The following NFATC2 variants were observed in gnomAD, a reference collection of about 807,000 sequenced individuals.
The protein encoded by NFATC2 is nuclear factor of activated T-cells, cytoplasmic 2.
In NFATC2, 22 loss-of-function variants were observed where a neutral mutation model predicts 87.3. That is an observed-to-expected ratio of 0.25 (90% CI 0.18 to 0.36). NFATC2 has a LOEUF of 0.36. NFATC2 is among the 10% of genes least tolerant of loss of function. NFATC2 has a pLI of 1.00. For synonymous variants in NFATC2, 565 were observed against 542.2 expected (o/e 1.04, Z -0.58); for missense variants, 1,149 against 1,259.1 (o/e 0.91, Z 1.32).
chr20:51,523,699 T>C lies in NFATC2; in HGVS notation c.542A>G (p.Asp181Gly). The C allele has an allele frequency of 6.2e-7, 1 of 1,612,510 alleles. No individual in the cohort carries two copies. Among genetic ancestry groups the C allele is most frequent in the South Asian group, 1.1e-5 (1 of 91,020 alleles). ...GGGCGAGGTGTAGGGGGAGAAGGTG[T>C]CAGAAATGAAGCTGGCAGAGGAGCC... ...SSGSSASFIS[D>G]TFSPYTSPCV... Residue 181 changes from aspartate to glycine, a missense_variant, in exon 2 of 11, where the codon GAC becomes GGC. Coordinates refer to ENST00000371564, the MANE Select transcript of NFATC2 (RefSeq NM_012340.5). This position sits in a 1 kb window ranked among gnomAD's most constrained non-coding sequence, Gnocchi z 6.9.
chr20:51,423,689 T>C lies in NFATC2; in HGVS notation c.2722+8378A>G, dbSNP rs370692460. Among the ~76,000 whole-genome samples the C allele has an allele frequency of 3.9e-5, 6 of 152,174 alleles. No homozygotes were observed. In the East Asian group the frequency reaches 1.2e-3, roughly 29 times the overall value. ...AATTCAGAACAATTAAAAGTGCTGG[T>C]TCCAGCAGATGACTGGGAGCCCACG... On this transcript the variant is annotated intron_variant, in intron 9 of 10. Transcript: ENST00000371564.
intron 6 of NFATC2, among the ~76,000 whole-genome samples, chr20:51,438,077 A>G (rs1983821073): frequency 6.6e-6 from 1 of 152,258 alleles, no homozygotes; most frequent in Non-Finnish European, 1.5e-5. Flanking sequence ...TGAAGTCATC[A>G]AGACCTGAGT....
intron 3 of NFATC2, among the ~76,000 whole-genome samples, chr20:51,501,118 A>G (rs1245602545): frequency 6.6e-6 from 1 of 151,690 alleles, no homozygotes; most frequent in Non-Finnish European, 1.5e-5. Flanking sequence ...CACCAGGGCC[A>G]CTCACTGCTG....
intron 5 of NFATC2, among the ~76,000 whole-genome samples, chr20:51,464,190 G>A (rs538032192): frequency 1.3e-5 from 2 of 152,164 alleles, no homozygotes; most frequent in Non-Finnish European, 2.9e-5. Context: ...ACAGAACTAC[G>A]GGAGGGCTGC....
chr20:51,494,053 G>A (rs2146596659), intron 3 of NFATC2, among the ~76,000 whole-genome samples: 1 of 152,234 alleles, frequency 6.6e-6, no homozygotes, highest in South Asian at 2.1e-4. Context: ...TGCTCAGTGA[G>A]CGTCAACAGT....
chr20:51,552,595 C>T (rs1409231640), intron 1 of NFATC2, among the ~76,000 whole-genome samples: 1 of 152,104 alleles, frequency 6.6e-6, no homozygotes, highest in Non-Finnish European at 1.5e-5. Context: ...TGCCACCCTC[C>T]CACTGGGCAG....
At chr20:51,513,646 G>A (rs1351729637) in intron 3 of NFATC2, among the ~76,000 whole-genome samples, 2 of 152,158 alleles carry the variant, frequency 1.3e-5, no homozygotes, top group Non-Finnish European at 2.9e-5. Flanking sequence ...CAGGGCCCCA[G>A]CCCCTGATGA....
intron 1 of NFATC2, among the ~76,000 whole-genome samples, chr20:51,554,255 T>A (rs935166232): frequency 1.3e-5 from 2 of 152,226 alleles, no homozygotes; most frequent in Non-Finnish European, 2.9e-5. Context: ...TGACTTCCTA[T>A]GTCTCCCCCA....
At chr20:51,477,533 G>GTGTGTGTATATATATA (rs1203933981) in intron 3 of NFATC2, among the ~76,000 whole-genome samples, 1 of 68,550 alleles carries the variant, frequency 1.5e-5, no homozygotes, top group African/African-American at 6.1e-5. Context: ...GTGTGTGTGT[G>GTGTGTGTATATATATA]TCTATATATA....
chr20:51,444,977 A>G (rs954283808), intron 6 of NFATC2, among the ~76,000 whole-genome samples: 1 of 151,962 alleles, frequency 6.6e-6, no homozygotes, highest in Non-Finnish European at 1.5e-5. Flanking sequence ...GGCTTGCCCC[A>G]ACCATCCCCC....
chr20:51,549,109 A>G (rs2076912132), intron 1 of NFATC2, among the ~76,000 whole-genome samples: 1 of 152,180 alleles, frequency 6.6e-6, no homozygotes, highest in Non-Finnish European at 1.5e-5. Flanking sequence ...AATGTGTGAC[A>G]ATTTCACCTG....
intron 1 of NFATC2, among the ~76,000 whole-genome samples, chr20:51,541,910 C>A (rs2076823589): frequency 1.3e-5 from 2 of 152,120 alleles, no homozygotes; most frequent in African/African-American, 4.8e-5. Context: ...GGCCTCCTAC[C>A]CTTGATAACT....
intron 1 of NFATC2, among the ~76,000 whole-genome samples, chr20:51,525,998 C>T (rs993466762): frequency 1.3e-5 from 2 of 149,958 alleles, no homozygotes; most frequent in Non-Finnish European, 3.0e-5. Flanking sequence ...ACTTAAGCAG[C>T]TCCTGCCTCA....
chr20:51,512,465 C>T (rs2076287290), intron 3 of NFATC2, among the ~76,000 whole-genome samples: 1 of 152,188 alleles, frequency 6.6e-6, no homozygotes, highest in African/African-American at 2.4e-5. Context: ...CACCTGCAAC[C>T]AGCACAGTGC....
intron 3 of NFATC2, among the ~76,000 whole-genome samples, chr20:51,501,636 C>G (rs910265302): frequency 1.3e-5 from 2 of 152,218 alleles, no homozygotes; most frequent in Admixed American, 6.5e-5. Context: ...GCATCCTCAC[C>G]ACTTCCCAGT....
At chr20:51,397,200 G>A (rs1227919362) in intron 10 of NFATC2, among the ~76,000 whole-genome samples, 2 of 152,176 alleles carry the variant, frequency 1.3e-5, no homozygotes, top group East Asian at 3.9e-4. Context: ...GACTTCTTCT[G>A]TCTCAAAACT....
At chr20:51,493,270 A>G (rs914265818) in intron 3 of NFATC2, among the ~76,000 whole-genome samples, 4 of 152,120 alleles carry the variant, frequency 2.6e-5, no homozygotes, top group Admixed American at 6.5e-5. Flanking sequence ...CCAGGACCCA[A>G]TGAATTGGTA....
chr20:51,468,711 G>A (rs905885909), intron 5 of NFATC2, among the ~76,000 whole-genome samples: 3 of 152,218 alleles, frequency 2.0e-5, no homozygotes, highest in African/African-American at 7.2e-5. Context: ...GCTGAGCCCC[G>A]GCAAACATTG....
chr20:51,500,546 C>T (rs1172110037), intron 3 of NFATC2, among the ~76,000 whole-genome samples: 4 of 151,528 alleles, frequency 2.6e-5, no homozygotes, highest in African/African-American at 9.7e-5. Context: ...AGGGCAGAGG[C>T]TCCTACAGCT....
Sources: allele counts gnomAD v4.1 joint callset (sites outside exome capture counted in the v4.1 genomes callset), GRCh38; gene constraint gnomAD v4.1.1; non-coding constraint Gnocchi (gnomAD v3.1); transcripts MANE v1.5; gene names NCBI Gene and HGNC (gene_info 2026-07-23, HGNC 2026-07-21).